Variants in GCN1 observed in about 807,000 individuals in gnomAD.
GCN1 encodes stalled ribosome sensor GCN1.
Under a neutral mutation model 288.4 loss-of-function variants are expected in GCN1, and 90 were observed. The observed-to-expected ratio is 0.31, with a 90% CI of 0.26 to 0.37. GCN1 has a LOEUF of 0.37. Among genes scored for constraint, GCN1 ranks in the 10% least tolerant of loss-of-function variants. The probability of loss-of-function intolerance (pLI) is 1.00; values close to 1 mark genes in which losing one functional copy is unlikely to be tolerated. For missense variants in GCN1, 2,586 were observed against 3,419.9 expected (o/e 0.76, Z 6.08); for synonymous variants, 1,386 against 1,420.2 (o/e 0.98, Z 0.54).
chr12:120,173,308 A>G (rs1878368831), intron 14 of GCN1, among the ~76,000 whole-genome samples: 1 of 152,116 alleles, frequency 6.6e-6, no homozygotes, highest in South Asian at 2.1e-4. Flanking sequence ...TCGGCCTTCC[A>G]AAGTGCTGGG....
intron 2 of GCN1, among the ~76,000 whole-genome samples, chr12:120,189,816 T>A (rs1044722831): frequency 1.3e-5 from 2 of 151,658 alleles, no homozygotes; most frequent in African/African-American, 4.8e-5. Context: ...CCATCTCTAC[T>A]AAAAACACGA....
At chr12:120,145,217 C>G in intron 39 of GCN1, 45 bp downstream of exon 39, 1 of 1,554,914 alleles carries the variant, frequency 6.4e-7, no homozygotes, top group Non-Finnish European at 8.8e-7. Context: ...TTTATGGGGA[C>G]TGGATGAGGG....
rs772134497 is a variant in GCN1, at chr12:120,157,900, G to A, written c.3036C>T (p.Val1012=). The change falls in exon 26 of 58, where the codon GTC becomes GTT. Residue 1012 remains valine, a synonymous_variant. Coordinates refer to ENST00000300648, the MANE Select transcript of GCN1 (RefSeq NM_006836.2). ...TGGGGGAGGCCCTCAGCTGGGCTTG[G>A]ACAGTGAGGATCTGAAGAATCTGGG... ...WMAQILQILT[V]QAQLRASPNT... The A allele has an allele frequency of 6.2e-6, 10 of 1,613,984 alleles. No homozygotes were observed. The Admixed American group carries it at 8.3e-5, about 13-fold the overall frequency.
Position 120,170,339 on chromosome 12 carries a change from G to A in GCN1, c.1367-18C>T, listed in dbSNP as rs1288366972. The A allele has an allele frequency of 1.2e-6, 2 of 1,612,808 alleles. No individual in the cohort carries two copies. The highest frequency in any genetic ancestry group is 1.7e-4 in the Middle Eastern group (1 of 6,004). On this transcript the variant is annotated intron_variant, in intron 14 of 57. Coordinates refer to ENST00000300648, the MANE Select transcript of GCN1 (RefSeq NM_006836.2). ...CGTGTCACCTGTGGAGAGAGGACAA[G>A]CACCTTAAAGGACATCCTGATCCTT...
chr12:120,145,113 A>G (rs754081854), intron 39 of GCN1, 52 bp from the exon 40 acceptor site: 1 of 1,609,956 alleles, frequency 6.2e-7, no homozygotes, highest in South Asian at 1.1e-5. Context: ...GCTCAAAACA[A>G]GGTAGCCACA....
Position 120,156,362 on chromosome 12 carries a change from C to CA in GCN1, c.3312+98dup, listed in dbSNP as rs1877746522. The CA allele has an allele frequency of 8.1e-7, 1 of 1,236,072 alleles. No homozygotes were observed. The highest frequency in any genetic ancestry group is 1.8e-5 in the Admixed American group (1 of 55,692). 76.6% of individuals were successfully genotyped at this position (1,236,072 alleles called of 1,614,324 possible). On this transcript the variant is annotated intron_variant, in intron 28 of 57. Coordinates refer to ENST00000300648, the MANE Select transcript of GCN1 (RefSeq NM_006836.2). This position sits in a 1 kb window ranked among gnomAD's most constrained non-coding sequence, Gnocchi z 5.8. ...TTCTTCTCTTTGCCTCTAGGCCTCC[C>CA]ACCAGAGTGAGGGACATTCTCTCAA...
chr12:120,183,432 C>T, intron 5 of GCN1, 137 bp downstream of exon 5: 1 of 667,362 alleles, frequency 1.5e-6, no homozygotes, highest in East Asian at 2.6e-5. Flanking sequence ...CCACCAAAGC[C>T]ACACACCTCG....
At chr12:120,130,473 C>G (rs1876778560) in intron 56 of GCN1, among the ~76,000 whole-genome samples, 173 bp downstream of exon 56, 1 of 152,170 alleles carries the variant, frequency 6.6e-6, no homozygotes, top group Non-Finnish European at 1.5e-5. Context: ...CAGTGTAAAG[C>G]ACACACAGAA....
Position 120,157,154 on chromosome 12 carries a change from C to G in GCN1, c.3088-162G>C, listed in dbSNP as rs904001549. 4 of 550,288 alleles carry G rather than the reference C, an allele frequency of 7.3e-6. No homozygotes were observed. In the East Asian group the frequency reaches 1.2e-4, roughly 16 times the overall value. 34.1% of individuals were successfully genotyped at this position (550,288 alleles called of 1,614,324 possible). A position where few individuals can be genotyped will look rare whatever the true frequency, so the allele number is the denominator to read the frequency against. On this transcript the variant is annotated intron_variant, in intron 26 of 57. Transcript: ENST00000300648. ...AAGTTTACAACTAGGTCCACAGGTG[C>G]TAACCCCAGTCAACCATGATCCTCA...
rs79582793 is a variant in GCN1, at chr12:120,185,534, C to A, written c.122-647G>T. Among the ~76,000 whole-genome samples the A allele has an allele frequency of 2.0e-5, 3 of 152,332 alleles. No individual in the cohort carries two copies. In the East Asian group the frequency reaches 5.8e-4, roughly 29 times the overall value. ...CTTAGTGCTTACAAGATGCCAGACC[C>A]TGCTCTAGATCATTCATACACATTC... is the stretch of plus-strand genomic sequence containing the variant. On this transcript the variant is annotated intron_variant, in intron 2 of 57. Transcript: ENST00000300648.
chr12:120,188,210 G>A (rs1282122864), intron 2 of GCN1, among the ~76,000 whole-genome samples: 5 of 152,174 alleles, frequency 3.3e-5, no homozygotes, highest in African/African-American at 9.7e-5. Context: ...AAGGCAGGCG[G>A]ATAACCTGAG....
rs778173743 is a variant in GCN1, at chr12:120,155,564, G to C, written c.3440+28C>G. 1 of 1,613,282 alleles carries C rather than the reference G, an allele frequency of 6.2e-7. No individual in the cohort carries two copies. On this transcript the variant is annotated intron_variant, in intron 29 of 57. Transcript: ENST00000300648. This position sits in a 1 kb window ranked among gnomAD's most constrained non-coding sequence, Gnocchi z 4.9. ...TCCTAAAGGAAGAGAGGATGCAGCA[G>C]GAGAAAGCGACATGCTGGCTCTCTC... is the stretch of plus-strand genomic sequence containing the variant.
chr12:120,130,814 A>C (rs1594256648), intron 55 of GCN1, 61 bp from the exon 56 acceptor site: 7 of 1,038,704 alleles, frequency 6.7e-6, no homozygotes, highest in Non-Finnish European at 8.8e-6. Flanking sequence ...AGCCAGGAAA[A>C]CCCCAGTTCC....
Position 120,157,914 on chromosome 12 carries a change from G to C in GCN1, c.3022C>G (p.Gln1008Glu). 6.2e-7 allele frequency: 1 copy of C among 1,614,056 alleles called. No individual in the cohort carries two copies. Among genetic ancestry groups the C allele is most frequent in the Non-Finnish European group, 8.5e-7 (1 of 1,180,040 alleles). Reference sequence around the variant, plus strand: ...AGCTGGGCTTGGACAGTGAGGATCTGAAGAATCTGGGCCATCCACTCCTCC... The same window carrying C: ...AGCTGGGCTTGGACAGTGAGGATCTCAAGAATCTGGGCCATCCACTCCTCC... ...EEEEWMAQIL[Q>E]ILTVQAQLRA... Residue 1008 changes from glutamine to glutamate, a missense_variant, in exon 26 of 58, where the codon CAG (glutamine) becomes GAG (glutamate). By Grantham distance (29) the Gln-to-Glu change is conservative. Around this residue, in one of 8 missense-constraint regions of GCN1, gnomAD observed 153 missense variants for 252.0 expected, o/e 0.61. Transcript: ENST00000300648.
Position 120,133,255 on chromosome 12 carries a change from C to T in GCN1, c.7317+1036G>A, listed in dbSNP as rs141118902. On this transcript the variant is annotated intron_variant, in intron 53 of 57. Coordinates refer to ENST00000300648, the MANE Select transcript of GCN1 (RefSeq NM_006836.2). ...GTGTAAAACCATGTGAGCCCAAAGG[C>T]CCTCTCCTCCTAGATTGGCCCTACA... 4.1e-3 allele frequency among the ~76,000 whole-genome samples: 627 copies of T among 152,186 alleles called. 4 individuals are homozygous for T. Among genetic ancestry groups the T allele is most frequent in the African/African-American group, 0.014 (579 of 41,516 alleles).
rs752278795 is a variant in GCN1, at chr12:120,155,500, T to C, written c.3441-70A>G. 1 of 1,600,586 alleles carries C rather than the reference T, an allele frequency of 6.2e-7. No homozygotes were observed. Among genetic ancestry groups the C allele is most frequent in the East Asian group, 2.2e-5 (1 of 44,768 alleles). On this transcript the variant is annotated intron_variant, in intron 29 of 57. Coordinates refer to ENST00000300648, the MANE Select transcript of GCN1 (RefSeq NM_006836.2). The surrounding 1 kb of genome is among the most constrained non-coding windows in gnomAD (Gnocchi z 4.9). ...GCACTTGCCCTGCCAGCCCAGCCCT[T>C]CTTCCCACTGGAGGCTGAGCACACT... is the stretch of plus-strand genomic sequence containing the variant.
chr12:120,159,144 G>A (rs994911792), intron 24 of GCN1, among the ~76,000 whole-genome samples: 4 of 152,166 alleles, frequency 2.6e-5, no homozygotes, highest in Non-Finnish European at 4.4e-5. Context: ...TGAGTACGCT[G>A]ACAGGAGACA....
At chr12:120,178,355 A>T (rs1878543491) in intron 7 of GCN1, among the ~76,000 whole-genome samples, 1 of 152,244 alleles carries the variant, frequency 6.6e-6, no homozygotes, top group South Asian at 2.1e-4. Context: ...CAGTGCCTAG[A>T]ACATGGCAGC....
rs1459145347 is a variant in GCN1, at chr12:120,138,746, G to A, written c.6105C>T (p.Thr2035=). The A allele has an allele frequency of 1.9e-6, 3 of 1,614,214 alleles. No individual in the cohort carries two copies. Among genetic ancestry groups the A allele is most frequent in the Non-Finnish European group, 2.5e-6 (3 of 1,179,996 alleles). The change falls in exon 46 of 58, where the codon ACC becomes ACT. Residue 2035 remains threonine, a synonymous_variant. Transcript: ENST00000300648. ...TGTCCTCCAGAGCCTGGTGGCCGATGGTGGAATGCAGCTGCTCGAAAGTCT... is the reference window on the plus strand; with the variant it reads ...TGTCCTCCAGAGCCTGGTGGCCGATAGTGGAATGCAGCTGCTCGAAAGTCT... ...AAKTFEQLHS[T]IGHQALEDIL...
Sources: allele counts gnomAD v4.1 joint callset (sites outside exome capture counted in the v4.1 genomes callset), GRCh38; gene constraint gnomAD v4.1.1; regional missense constraint gnomAD v4.1.1; non-coding constraint Gnocchi (gnomAD v3.1); transcripts MANE v1.5; gene names NCBI Gene and HGNC (gene_info 2026-07-23, HGNC 2026-07-21).